Variants in RPGRIP1 observed in about 807,000 individuals in gnomAD.
RPGRIP1 encodes the protein X-linked retinitis pigmentosa GTPase regulator-interacting protein 1.
Under a neutral mutation model 157.9 loss-of-function variants are expected in RPGRIP1, and 128 were observed. The observed-to-expected ratio is 0.81, with a 90% confidence interval of 0.70 to 0.94. The LOEUF is 0.94. Ranked by LOEUF, RPGRIP1 falls within the 40% of genes least tolerant of loss-of-function variation. RPGRIP1 has a pLI of 0.00. For synonymous variants in RPGRIP1, 554 were observed against 571.6 expected, an observed-to-expected ratio of 0.97 and a Z score of 0.44; for missense variants, 1,486 against 1,545.8, an observed-to-expected ratio of 0.96 and a Z score of 0.65.
rs775426540 is a variant in RPGRIP1, at chr14:21,311,862, C to G, written c.969C>G (p.Leu323=). ...TGAGTGCAGCCCATGAGGCCCTCCT[C>G]AAGCAAGTGAATGAGCTCAGGGCAG... ...GILSAAHEAL[L]KQVNELRAEL... Residue 323 remains leucine (L), a synonymous_variant, in exon 9 of 25, where the codon CTC becomes CTG. Transcript: ENST00000400017. 37 of 1,610,548 alleles carry G rather than the reference C, an allele frequency of 2.3e-5. No individual in the cohort carries two copies. The highest frequency in any genetic ancestry group is 3.1e-5 in the Non-Finnish European group (36 of 1,178,694).
In RPGRIP1 at chr14:21,327,694, C is replaced by T. The variant is rs1229285180; in HGVS notation, c.2782C>T (p.Pro928Ser). 3 of 1,613,908 alleles carry T rather than the reference C, an allele frequency of 1.9e-6. No individual in the cohort carries two copies. The highest frequency in any genetic ancestry group is 2.5e-6 in the Non-Finnish European group (3 of 1,179,866). Residue 928 changes from proline (P) to serine (S), a missense_variant, in exon 18 of 25, where the codon CCC becomes TCC. Pro to Ser is a moderately conservative substitution (Grantham distance 74, BLOSUM62 -1). Transcript: ENST00000400017. ...TCAAGTGCAACTGGATTGGAAGTTTCCCTACATACCCCCTGAGAGCTTCCT... is the reference window on the plus strand; with the variant it reads ...TCAAGTGCAACTGGATTGGAAGTTTTCCTACATACCCCCTGAGAGCTTCCT... ...SIQVQLDWKF[P>S]YIPPESFLKP...
intron 14 of RPGRIP1, among the ~76,000 whole-genome samples, chr14:21,322,459 C>T (rs546453839): frequency 6.6e-6 from 1 of 152,120 alleles, no homozygotes; most frequent in South Asian, 2.1e-4. Context: ...GCGCCCGGCC[C>T]ATCTTTGTTG....
intron 24 of RPGRIP1, 88 bp from the exon 25 acceptor site, chr14:21,351,016 C>A: frequency 2.9e-6 from 2 of 680,944 alleles, no homozygotes; most frequent in Non-Finnish European, 5.0e-6. Context: ...TAATTTCATT[C>A]ATTTAGCATC....
intron 6 of RPGRIP1, among the ~76,000 whole-genome samples, chr14:21,305,147 A>T (rs1881247066): frequency 6.6e-6 from 1 of 152,144 alleles, no homozygotes; most frequent in Non-Finnish European, 1.5e-5. Context: ...AAGGACATGT[A>T]TCCATCATTA....
Position 21,287,928 on chromosome 14 carries a change from C to A in RPGRIP1, c.-38-11C>A. 7.5e-7 allele frequency: 1 copy of A among 1,327,144 alleles called. No homozygotes were observed. The highest frequency in any genetic ancestry group is 1.2e-5 in the South Asian group (1 of 81,362). 82.2% of individuals were successfully genotyped at this position (1,327,144 alleles called of 1,614,324 possible). A position where few individuals can be genotyped will look rare whatever the true frequency, so the allele number is the denominator to read the frequency against. On this transcript the variant is annotated splice_polypyrimidine_tract_variant and intron_variant, in intron 1 of 24. Transcript: ENST00000400017. The stretch of plus-strand genomic sequence containing the variant: ...TTGCATGTAACTGACTGGACTTTTC[C>A]TTTATTTCAGTGTCCTCTGGGATCT...
chr14:21,333,924 CTTTT>C (rs372543522), intron 20 of RPGRIP1, among the ~76,000 whole-genome samples: 1 of 130,536 alleles, frequency 7.7e-6, no homozygotes. Context: ...TTGAGGCCAC[CTTTT>C]TTTTTTTTTT....
At chr14:21,346,694 TTTTAA>T (rs896090085) in intron 23 of RPGRIP1, among the ~76,000 whole-genome samples, 1 of 152,202 alleles carries the variant, frequency 6.6e-6, no homozygotes, top group Non-Finnish European at 1.5e-5. Context: ...TTTATCTTAT[TTTTAA>T]TTTTTTTGTT....
At chr14:21,337,627 A>G (rs933412760) in intron 21 of RPGRIP1, among the ~76,000 whole-genome samples, 1 of 151,246 alleles carries the variant, frequency 6.6e-6, no homozygotes, top group African/African-American at 2.4e-5. Context: ...TTTTTAGTAG[A>G]GACGGAGTTT....
In RPGRIP1 at chr14:21,303,405, C is replaced by CTGTCTG; in HGVS notation, c.663_664insGTCTGT (p.Pro221_Asn222insValCys). The CTGTCTG allele has an allele frequency of 6.2e-7, 1 of 1,613,792 alleles. No homozygotes were observed. Among genetic ancestry groups the CTGTCTG allele is most frequent in the Non-Finnish European group, 8.5e-7 (1 of 1,179,836 alleles). ...GCTAAACCCATTGGTCTATGCATGC[C>CTGTCTG]TAACAGTGCCCACATCATGGCCAGC... On this transcript the variant is annotated inframe_insertion, in exon 6 of 25. Coordinates refer to ENST00000400017, the MANE Select transcript of RPGRIP1 (RefSeq NM_020366.4).
At chr14:21,350,387 A>G (rs10151825) in intron 24 of RPGRIP1, among the ~76,000 whole-genome samples, 1 of 16,586 alleles carries the variant, frequency 6.0e-5, no homozygotes, top group Non-Finnish European at 2.2e-4. Context: ...AAAAAAAAAA[A>G]AAAAAAAAAG....
At chr14:21,320,599 T>G (rs1199649661) in intron 12 of RPGRIP1, among the ~76,000 whole-genome samples, 1 of 134,354 alleles carries the variant, frequency 7.4e-6, no homozygotes, top group Non-Finnish European at 1.6e-5. Flanking sequence ...CCCACTCTTT[T>G]TTTTTTTTTT....
intron 7 of RPGRIP1, among the ~76,000 whole-genome samples, chr14:21,308,224 G>C (rs1449254303): frequency 2.6e-5 from 4 of 152,196 alleles, no homozygotes; most frequent in Non-Finnish European, 5.9e-5. Flanking sequence ...GCTGTACTCT[G>C]TCCCAGATAT....
intron 11 of RPGRIP1, 59 bp from the exon 12 acceptor site, chr14:21,319,958 C>T: frequency 6.1e-6 from 9 of 1,483,676 alleles, no homozygotes; most frequent in Non-Finnish European, 8.3e-6. Flanking sequence ...CTTGATCCAA[C>T]TCTGACCATG....
intron 18 of RPGRIP1, 30 bp from the exon 19 acceptor site, chr14:21,328,394 T>A: frequency 6.5e-7 from 1 of 1,537,788 alleles, no homozygotes. Flanking sequence ...ACTACCAGCT[T>A]GTAATGCTAT....
intron 2 of RPGRIP1, among the ~76,000 whole-genome samples, chr14:21,293,043 G>A (rs1355424755): frequency 6.6e-6 from 1 of 151,866 alleles, no homozygotes; most frequent in Non-Finnish European, 1.5e-5. Flanking sequence ...CTACTTGGGA[G>A]GCTGAGGCAG....
chr14:21,283,621 T>C (rs1880206699), intron 1 of RPGRIP1, among the ~76,000 whole-genome samples: 2 of 150,926 alleles, frequency 1.3e-5, no homozygotes, highest in South Asian at 4.2e-4. Context: ...GTACTTCAAA[T>C]GGAGATTTAC....
intron 1 of RPGRIP1, among the ~76,000 whole-genome samples, chr14:21,281,704 A>AAAT (rs59116272): frequency 0.38 from 51,318 of 133,634 alleles, 10,143 homozygotes; most frequent in East Asian, 0.63. Context: ...AAAAAAAAAT[A>AAAT]AATAATAATA....
At position 21,351,108 on chromosome 14, in the gene RPGRIP1, T is replaced by G; in HGVS notation, c.3753T>G (p.Val1251=). ...TTTTTTTCCCTTTCCCAACAGTTGT[T>G]AGCCCTGAAGATCTGGCTACCCCAA... ...RDILEQELDI[V]SPEDLATPIG... Residue 1251 remains valine (V), a synonymous_variant, in exon 25 of 25, where the codon GTT becomes GTG. Transcript: ENST00000400017. 6.2e-7 allele frequency: 1 copy of G among 1,600,458 alleles called. No homozygotes were observed. Among genetic ancestry groups the G allele is most frequent in the South Asian group, 1.1e-5 (1 of 89,476 alleles).
At position 21,311,973 on chromosome 14, in the gene RPGRIP1, A is replaced by T; in HGVS notation, c.1077+3A>T. 6.2e-7 allele frequency: 1 copy of T among 1,610,944 alleles called. No individual in the cohort carries two copies. The highest frequency in any genetic ancestry group is 1.1e-5 in the South Asian group (1 of 90,490). ...TCTTGCAGATGACTCTGAAGGAGGT[A>T]AATAATAATAGTTGAAAGATACCAT... On this transcript the variant is annotated splice_donor_region_variant and intron_variant, in intron 9 of 24. Coordinates refer to ENST00000400017, the MANE Select transcript of RPGRIP1 (RefSeq NM_020366.4).
Sources: gnomAD v4.1 joint callset for allele counts (sites outside exome capture counted in the v4.1 genomes callset) on GRCh38, gnomAD v4.1.1 for gene constraint, MANE v1.5 for transcripts, NCBI Gene and HGNC (gene_info 2026-07-23, HGNC 2026-07-21) for gene names.